SNX9: variants seen among roughly 807,000 people sequenced by gnomAD.
The protein encoded by SNX9 is sorting nexin 9, also known as sorting nexin-9.
SNX9 carries 44 observed loss-of-function variants against 89.4 expected under a neutral mutation model. The ratio of observed to expected loss-of-function variants is 0.49; its 90% CI spans 0.39 to 0.63. SNX9 has a LOEUF of 0.63. SNX9 is among the 30% of genes least tolerant of loss of function. The probability of loss-of-function intolerance (pLI) is 0.00; values close to 1 mark genes in which losing one functional copy is unlikely to be tolerated. For missense variants in SNX9, 578 were observed against 736.1 expected (o/e 0.79, Z 2.49); for synonymous variants, 236 against 247.8 (o/e 0.95, Z 0.45).
chr6:157,909,547 C>A, intron 7 of SNX9, 118 bp from the exon 8 acceptor site: 1 of 1,190,150 alleles, frequency 8.4e-7, no homozygotes, highest in Non-Finnish European at 1.2e-6. Context: ...CAAAGAGGAA[C>A]AAGAATGACC....
chr6:157,834,241 T>C (rs1339430075), intron 1 of SNX9, among the ~76,000 whole-genome samples: 1 of 133,716 alleles, frequency 7.5e-6, no homozygotes, highest in Admixed American at 8.8e-5. Context: ...CAACCTCCAC[T>C]GACTGCAGCT....
At chr6:157,850,330 A>T (rs1416861881) in intron 1 of SNX9, among the ~76,000 whole-genome samples, 1 of 152,202 alleles carries the variant, frequency 6.6e-6, no homozygotes, top group Non-Finnish European at 1.5e-5. Flanking sequence ...GGGCATGTGG[A>T]AAACTTCTCT....
chr6:157,843,782 T>G (rs1781747053), intron 1 of SNX9, among the ~76,000 whole-genome samples: 1 of 152,226 alleles, frequency 6.6e-6, no homozygotes, highest in Non-Finnish European at 1.5e-5. Context: ...AATTTTTTGT[T>G]TCTTTTAGAA....
At chr6:157,918,647 T>G (rs916918649) in intron 9 of SNX9, among the ~76,000 whole-genome samples, 1 of 152,196 alleles carries the variant, frequency 6.6e-6, no homozygotes, top group African/African-American at 2.4e-5. Flanking sequence ...TGTTATTTGT[T>G]TTCTGTGTTT....
chr6:157,941,555 G>T (rs1784036135), intron 17 of SNX9, among the ~76,000 whole-genome samples: 1 of 152,172 alleles, frequency 6.6e-6, no homozygotes, highest in African/African-American at 2.4e-5. Context: ...CAAAAATCTA[G>T]TAGCATGTCT....
At chr6:157,910,296 T>TAG (rs1254586445) in intron 9 of SNX9, among the ~76,000 whole-genome samples, 5 of 152,234 alleles carry the variant, frequency 3.3e-5, no homozygotes, top group African/African-American at 9.6e-5. Context: ...TTCATTGCTG[T>TAG]ACCTTTTCTA....
At chr6:157,828,205 A>C (rs533659760) in intron 1 of SNX9, among the ~76,000 whole-genome samples, 2 of 135,312 alleles carry the variant, frequency 1.5e-5, no homozygotes, top group East Asian at 3.9e-4. Context: ...ATGTGTCTTA[A>C]GTAGAGTGTG....
chr6:157,921,499 G>A (rs1300092203), intron 9 of SNX9, 32 bp from the exon 10 acceptor site: 19 of 1,604,852 alleles, frequency 1.2e-5, no homozygotes, highest in Non-Finnish European at 1.4e-5. Context: ...TTTAGACAAA[G>A]TTGTATGTCA....
At chr6:157,917,979 A>G (rs1258151618) in intron 9 of SNX9, among the ~76,000 whole-genome samples, 2 of 152,128 alleles carry the variant, frequency 1.3e-5, no homozygotes, top group Non-Finnish European at 2.9e-5. Flanking sequence ...CAGAGAACAT[A>G]CTTTGCATGA....
chr6:157,902,371 T>C (rs780756503), intron 6 of SNX9, among the ~76,000 whole-genome samples: 42 of 152,206 alleles, frequency 2.8e-4, no homozygotes, highest in Admixed American at 1.4e-3. Context: ...AGAATAATAA[T>C]AACAACTCTC....
At chr6:157,895,907 C>T (rs1220667598) in intron 4 of SNX9, among the ~76,000 whole-genome samples, 1 of 152,152 alleles carries the variant, frequency 6.6e-6, no homozygotes, top group African/African-American at 2.4e-5. Context: ...GATTTTTTCT[C>T]GAGAACAGGA....
chr6:157,892,521 A>G (rs947951511), intron 4 of SNX9, among the ~76,000 whole-genome samples: 1 of 152,226 alleles, frequency 6.6e-6, no homozygotes, highest in Non-Finnish European at 1.5e-5. Context: ...CATAACCACA[A>G]AGATTTCATA....
chr6:157,923,896 A>G (rs1157211752), intron 10 of SNX9, among the ~76,000 whole-genome samples: 2 of 152,212 alleles, frequency 1.3e-5, no homozygotes, highest in South Asian at 2.1e-4. Context: ...CTACCTCACT[A>G]CAATCTGCAG....
chr6:157,873,192 C>A lies in SNX9; in HGVS notation c.174+16C>A. ...CTACGTTGAAGTAAGAGCTTCCTGT[C>A]ATTCATTCATTAGAGCTCATCTTTG... On this transcript the variant is annotated intron_variant, in intron 3 of 17. Transcript: ENST00000392185. 1 of 1,562,326 alleles carries A rather than the reference C, an allele frequency of 6.4e-7. No homozygotes were observed. The highest frequency in any genetic ancestry group is 1.2e-5 in the South Asian group (1 of 80,702).
At chr6:157,897,120 A>G (rs1782994854) in intron 5 of SNX9, 122 bp downstream of exon 5, 2 of 956,550 alleles carry the variant, frequency 2.1e-6, no homozygotes, top group Non-Finnish European at 1.5e-6. Context: ...TTGTGACCAC[A>G]GCATGGGAAG....
intron 1 of SNX9, among the ~76,000 whole-genome samples, chr6:157,835,049 G>A (rs934015352): frequency 1.3e-4 from 20 of 152,134 alleles, no homozygotes; most frequent in African/African-American, 4.6e-4. Flanking sequence ...GTCTTACTTT[G>A]TCACCCAGGC....
intron 3 of SNX9, among the ~76,000 whole-genome samples, chr6:157,873,780 C>G (rs985033922): frequency 3.3e-5 from 5 of 152,002 alleles, no homozygotes; most frequent in South Asian, 4.2e-4. Context: ...TCTCCCATTC[C>G]CATAGACAGA....
intron 4 of SNX9, among the ~76,000 whole-genome samples, chr6:157,892,291 A>G (rs1250931804): frequency 6.6e-6 from 1 of 152,156 alleles, no homozygotes; most frequent in Non-Finnish European, 1.5e-5. Context: ...TTCAGAGAGA[A>G]AGCCAGTGAT....
At chr6:157,855,654 C>T (rs890168416) in intron 1 of SNX9, among the ~76,000 whole-genome samples, 1 of 152,198 alleles carries the variant, frequency 6.6e-6, no homozygotes, top group South Asian at 2.1e-4. Context: ...CTGACTCGTA[C>T]TCTTTATATA....
Sources: gnomAD v4.1 joint callset for allele counts (sites outside exome capture counted in the v4.1 genomes callset) on GRCh38, gnomAD v4.1.1 for gene constraint, MANE v1.5 for transcripts, NCBI Gene and HGNC (gene_info 2026-07-23, HGNC 2026-07-21) for gene names.